P3H2: variants seen among roughly 807,000 people sequenced by gnomAD.
P3H2 encodes the protein prolyl 3-hydroxylase 2.
Under a neutral mutation model 87.0 loss-of-function variants are expected in P3H2, and 80 were observed. The ratio of observed to expected loss-of-function variants is 0.92; its 90% confidence interval spans 0.77 to 1.11. The LOEUF (loss-of-function observed/expected upper bound fraction) is 1.11. P3H2 is among the 50% of genes least tolerant of loss of function. P3H2 has a pLI of 0.00. For synonymous variants in P3H2, 367 were observed against 359.3 expected, an observed-to-expected ratio of 1.02 and a Z score of -0.24; for missense variants, 1,001 against 923.9, an observed-to-expected ratio of 1.08 and a Z score of -1.08.
intron 1 of P3H2, among the ~76,000 whole-genome samples, chr3:190,002,513 G>A (rs1244731299): frequency 2.0e-5 from 3 of 150,962 alleles, no homozygotes; most frequent in Non-Finnish European, 4.4e-5. Flanking sequence ...CAATTCTCCT[G>A]CCTCAGCCTC....
rs921984550 is a variant in P3H2, at chr3:189,992,329, C to T, written c.823+1765G>A. ...CAGGCTAGTCTCAAACTCCTGAGCTCATGTGATCCACCTGTCTCAGAATCC... is the reference window on the plus strand; with the variant it reads ...CAGGCTAGTCTCAAACTCCTGAGCTTATGTGATCCACCTGTCTCAGAATCC... On this transcript the variant is annotated intron_variant, in intron 3 of 14. Transcript: ENST00000319332. Among the ~76,000 whole-genome samples, 3 of 152,142 alleles carry T rather than the reference C, an allele frequency of 2.0e-5. No individual in the cohort carries two copies. The East Asian group carries it at 5.8e-4, about 29-fold the overall frequency.
chr3:190,015,744 G>C (rs1724732950), intron 1 of P3H2, among the ~76,000 whole-genome samples: 1 of 152,312 alleles, frequency 6.6e-6, no homozygotes, highest in African/African-American at 2.4e-5. Context: ...TCAATCTTTT[G>C]GTTATTCCCT....
At chr3:189,970,109 G>T (rs1347269872) in intron 13 of P3H2, among the ~76,000 whole-genome samples, 1 of 146,478 alleles carries the variant, frequency 6.8e-6, no homozygotes, top group Non-Finnish European at 1.5e-5. Flanking sequence ...GTGTGTGTGT[G>T]TGTGTGTGTG....
chr3:190,100,877 G>T (rs374393121), intron 1 of P3H2, among the ~76,000 whole-genome samples: 3 of 151,968 alleles, frequency 2.0e-5, no homozygotes, highest in African/African-American at 7.3e-5. Flanking sequence ...GGTTTGTGGC[G>T]ACCTTGCATC....
Position 189,970,952 on chromosome 3 carries a change from A to T in P3H2, c.1818-61T>A, listed in dbSNP as rs1052898787. 7.6e-5 allele frequency: 71 copies of T among 934,842 alleles called. No homozygotes were observed. In the Admixed American group the frequency reaches 1.2e-3, roughly 15 times the overall value. 57.9% of individuals were successfully genotyped at this position (934,842 alleles called of 1,614,324 possible). On this transcript the variant is annotated intron_variant, in intron 12 of 14. Transcript: ENST00000319332. ...TATGCTTATGAGAGCATGGTCATAG[A>T]ATACTGAAGACTGGTGATGTACTGT...
chr3:190,024,226 T>C (rs766473032), intron 1 of P3H2, among the ~76,000 whole-genome samples: 5 of 152,092 alleles, frequency 3.3e-5, no homozygotes, highest in Non-Finnish European at 5.9e-5. Flanking sequence ...AAATATAATA[T>C]GTAAATCTTA....
intron 1 of P3H2, among the ~76,000 whole-genome samples, chr3:190,014,112 T>C (rs561173288): frequency 2.0e-5 from 3 of 152,336 alleles, no homozygotes; most frequent in South Asian, 4.1e-4. Flanking sequence ...GAATGATTCA[T>C]GAAGAATGTA....
At position 190,007,965 on chromosome 3, in the gene P3H2, C is replaced by CACACACACACACACATATATATATATAT; in HGVS notation, c.481-12524_481-12523insATATATATATATATGTGTGTGTGTGTGT. Among the ~76,000 whole-genome samples the CACACACACACACACATATATATATATAT allele has an allele frequency of 3.2e-3, 302 of 94,296 alleles. 4 individuals are homozygous for CACACACACACACACATATATATATATAT. Among genetic ancestry groups the CACACACACACACACATATATATATATAT allele is most frequent in the African/African-American group, 7.5e-3 (193 of 25,604 alleles). 61.9% of individuals were successfully genotyped at this position (94,296 alleles called of 152,430 possible). A position where few individuals can be genotyped will look rare whatever the true frequency, so the allele number is the denominator to read the frequency against. ...GCCTGAGACTCTATTTGTTGACACACATATATATATATATATATATAGTAA... is the reference window on the plus strand; with the variant it reads ...GCCTGAGACTCTATTTGTTGACACACACACACACACACACATATATATATATATATATATATATATATATATATAGTAA... On this transcript the variant is annotated intron_variant, in intron 1 of 14. Transcript: ENST00000319332.
chr3:189,974,351 G>A (rs2108910035), intron 9 of P3H2, among the ~76,000 whole-genome samples: 1 of 152,300 alleles, frequency 6.6e-6, no homozygotes, highest in African/African-American at 2.4e-5. Context: ...AAATATGCCA[G>A]TAGCTATTCC....
intron 1 of P3H2, among the ~76,000 whole-genome samples, chr3:190,029,968 C>T (rs1439029453): frequency 6.7e-6 from 1 of 148,790 alleles, no homozygotes; most frequent in East Asian, 2.0e-4. Flanking sequence ...TGCCACTGCA[C>T]TCCAGCCTGA....
At position 189,960,118 on chromosome 3, in the gene P3H2, C is replaced by T. The variant is rs956274884; in HGVS notation, c.2035-2114G>A. On this transcript the variant is annotated intron_variant, in intron 14 of 14. Coordinates refer to ENST00000319332, the MANE Select transcript of P3H2 (RefSeq NM_018192.4). ...TGTCTCTGGGCCTTTGCAGCTTGTC[C>T]TCTGCCTGGAATACTCTCCTCCAGA... 3.9e-5 allele frequency among the ~76,000 whole-genome samples: 6 copies of T among 152,216 alleles called. No homozygotes were observed. In the East Asian group the frequency reaches 7.7e-4, roughly 20 times the overall value.
chr3:189,989,096 A>G, intron 3 of P3H2, 58 bp from the exon 4 acceptor site: 1 of 1,604,914 alleles, frequency 6.2e-7, no homozygotes, highest in East Asian at 2.2e-5. Context: ...CCAAACGTCA[A>G]CGTCACAGCC....
chr3:189,969,768 T>C, intron 13 of P3H2: 1 of 1,606,708 alleles, frequency 6.2e-7, no homozygotes, highest in South Asian at 1.1e-5. Flanking sequence ...TCCACATATT[T>C]TTCAGTTCTT....
intron 5 of P3H2, 133 bp downstream of exon 5, chr3:189,987,394 G>T (rs113680648): frequency 4.2e-6 from 4 of 955,774 alleles, no homozygotes; most frequent in Non-Finnish European, 6.2e-6. Context: ...CAGGAGAATC[G>T]CTTGAACCCG....
intron 1 of P3H2, among the ~76,000 whole-genome samples, chr3:190,110,299 T>G (rs1712022098): frequency 6.6e-6 from 1 of 152,168 alleles, no homozygotes; most frequent in Non-Finnish European, 1.5e-5. Flanking sequence ...ATATAACAGG[T>G]AAAGGCCAGG....
At chr3:189,987,779 G>C (rs1209836576) in intron 4 of P3H2, 110 bp from the exon 5 acceptor site, 2 of 1,266,170 alleles carry the variant, frequency 1.6e-6, no homozygotes, top group African/African-American at 2.9e-5. Flanking sequence ...ATGAATAAGA[G>C]GGAAGATAAA....
intron 1 of P3H2, among the ~76,000 whole-genome samples, chr3:190,105,702 T>C (rs1445488462): frequency 6.6e-6 from 1 of 152,230 alleles, no homozygotes; most frequent in Non-Finnish European, 1.5e-5. Flanking sequence ...TCATCAGTTT[T>C]CTGTTTCCAC....
chr3:190,081,671 G>A (rs981609318), intron 1 of P3H2, among the ~76,000 whole-genome samples: 9 of 152,128 alleles, frequency 5.9e-5, no homozygotes, highest in African/African-American at 2.2e-4. Context: ...TGCCAGCATT[G>A]TTTCCATGCT....
At chr3:190,063,352 A>G (rs1450256082) in intron 1 of P3H2, among the ~76,000 whole-genome samples, 1 of 152,176 alleles carries the variant, frequency 6.6e-6, no homozygotes, top group East Asian at 1.9e-4. Context: ...CACAGGCAAA[A>G]GCAAATGTTC....
Sources: allele counts gnomAD v4.1 joint callset (sites outside exome capture counted in the v4.1 genomes callset), GRCh38; gene constraint gnomAD v4.1.1; transcripts MANE v1.5; gene names NCBI Gene and HGNC (gene_info 2026-07-23, HGNC 2026-07-21).